The following PLEKHA7 variants were observed in gnomAD, a reference collection of about 807,000 sequenced individuals.
The protein encoded by PLEKHA7 is pleckstrin homology domain containing A7.
A neutral mutation model predicts 170.0 loss-of-function variants in PLEKHA7; 104 were observed. The ratio of observed to expected loss-of-function variants is 0.61; its 90% confidence interval spans 0.52 to 0.72. The LOEUF (loss-of-function observed/expected upper bound fraction) is 0.72. PLEKHA7 is among the 30% of genes least tolerant of loss of function. The pLI is 0.00. For missense variants in PLEKHA7, 1,615 were observed against 1,671.7 expected (o/e 0.97, Z 0.59); for synonymous variants, 648 against 660.8 (o/e 0.98, Z 0.30).
chr11:16,792,931 G>A (rs774039153), intron 19 of PLEKHA7, among the ~76,000 whole-genome samples: 12 of 152,072 alleles, frequency 7.9e-5, no homozygotes, highest in Admixed American at 2.6e-4. Context: ...GCAGCACCAC[G>A]CCCATCTTAT....
At chr11:16,910,840 C>G (rs1351284236) in intron 3 of PLEKHA7, among the ~76,000 whole-genome samples, 1 of 152,236 alleles carries the variant, frequency 6.6e-6, no homozygotes, top group Non-Finnish European at 1.5e-5. Context: ...GAACAAAGCT[C>G]CATACAAATA....
At chr11:16,975,444 A>C (rs1346712883) in intron 3 of PLEKHA7, among the ~76,000 whole-genome samples, 1 of 152,160 alleles carries the variant, frequency 6.6e-6, no homozygotes, top group Non-Finnish European at 1.5e-5. Flanking sequence ...GATGAGATAA[A>C]CATAAATTAA....
intron 24 of PLEKHA7, 129 bp from the exon 25 acceptor site, chr11:16,783,962 A>T: frequency 9.8e-7 from 1 of 1,016,998 alleles, no homozygotes; most frequent in South Asian, 3.7e-5. Flanking sequence ...TAACTTGCTA[A>T]GATCACAAAA....
intron 3 of PLEKHA7, among the ~76,000 whole-genome samples, chr11:16,902,394 G>A (rs183960362): frequency 7.2e-5 from 11 of 152,250 alleles, no homozygotes; most frequent in Admixed American, 2.0e-4. Context: ...GTAACTTTAC[G>A]TTTAACCTTT....
At chr11:16,847,005 A>G (rs1852460076) in intron 8 of PLEKHA7, among the ~76,000 whole-genome samples, 1 of 151,470 alleles carries the variant, frequency 6.6e-6, no homozygotes, top group Non-Finnish European at 1.5e-5. Context: ...GGCTTCCCAG[A>G]CAAGGTGACT....
intron 3 of PLEKHA7, among the ~76,000 whole-genome samples, chr11:16,992,666 G>C (rs1864115758): frequency 6.6e-6 from 1 of 150,966 alleles, no homozygotes; most frequent in Non-Finnish European, 1.5e-5. Context: ...AGAGGCAGGA[G>C]AATCACTTGA....
intron 3 of PLEKHA7, among the ~76,000 whole-genome samples, chr11:16,947,767 T>G (rs1448521106): frequency 6.6e-6 from 1 of 151,060 alleles, no homozygotes; most frequent in Non-Finnish European, 1.5e-5. Flanking sequence ...ACACAAAAAA[T>G]TAGCCGGGCT....
intron 3 of PLEKHA7, among the ~76,000 whole-genome samples, chr11:16,937,208 A>G (rs1860366116): frequency 1.3e-5 from 2 of 152,222 alleles, no homozygotes; most frequent in African/African-American, 4.8e-5. Flanking sequence ...CTGGGAAGAC[A>G]CTACAAGAAT....
intron 19 of PLEKHA7, among the ~76,000 whole-genome samples, chr11:16,793,106 A>G (rs2134250611): frequency 6.6e-6 from 1 of 152,326 alleles, no homozygotes; most frequent in South Asian, 2.1e-4. Context: ...CTCTGTGACC[A>G]TCTACAAAAG....
intron 3 of PLEKHA7, among the ~76,000 whole-genome samples, chr11:16,967,234 T>C (rs973371400): frequency 6.6e-6 from 1 of 152,212 alleles, no homozygotes; most frequent in Admixed American, 6.5e-5. Flanking sequence ...TCTGTGGCTT[T>C]GCTAGTTAAA....
chr11:17,005,621 C>A (rs34437677), intron 3 of PLEKHA7, among the ~76,000 whole-genome samples: 40,055 of 152,076 alleles, frequency 0.26, 6,278 homozygotes, highest in Middle Eastern at 0.39. Context: ...CATGAAAACA[C>A]CTCTTCCCAA....
chr11:16,991,759 G>A (rs1431907000), intron 3 of PLEKHA7, among the ~76,000 whole-genome samples: 1 of 152,140 alleles, frequency 6.6e-6, no homozygotes, highest in African/African-American at 2.4e-5. Flanking sequence ...CAGATGGTTC[G>A]AGCGGAGAGG....
intron 3 of PLEKHA7, among the ~76,000 whole-genome samples, chr11:16,921,267 T>C (rs1859066896): frequency 6.6e-6 from 1 of 152,106 alleles, no homozygotes; most frequent in Non-Finnish European, 1.5e-5. Flanking sequence ...GACCAAACAT[T>C]TCCCCTGCCT....
Position 16,783,721 on chromosome 11 carries a change from C to T in PLEKHA7, c.3629G>A (p.Arg1210His), listed in dbSNP as rs952585638. Reference sequence around the variant, plus strand: ...TGACCTTGACCGGGCGAGGATGTTGCGGATCTTCTCGGCTTTGCGGTACCG... The same window carrying T: ...TGACCTTGACCGGGCGAGGATGTTGTGGATCTTCTCGGCTTTGCGGTACCG... ...QARYRKAEKI[R>H]NILARSSMCN... Residue 1210 changes from arginine (R) to histidine (H), a missense_variant, in exon 25 of 27, where the codon CGC becomes CAC. Transcript: ENST00000531066. 4.7e-6 allele frequency: 7 copies of T among 1,476,618 alleles called. No homozygotes were observed. Among genetic ancestry groups the T allele is most frequent in the African/African-American group, 2.9e-5 (2 of 70,146 alleles). The allele number at this position is 1,476,618 out of a possible 1,614,324, so 91.5% of individuals were successfully genotyped here. A position where few individuals can be genotyped will look rare whatever the true frequency, so the allele number is the denominator to read the frequency against.
At chr11:16,853,406 A>G (rs1853150873) in intron 6 of PLEKHA7, among the ~76,000 whole-genome samples, 2 of 152,336 alleles carry the variant, frequency 1.3e-5, no homozygotes, top group Admixed American at 6.5e-5. Flanking sequence ...GATGATTTAT[A>G]AGGTCTTGGC....
chr11:16,915,466 C>T (rs1294202101), intron 3 of PLEKHA7, among the ~76,000 whole-genome samples: 1 of 151,526 alleles, frequency 6.6e-6, no homozygotes, highest in African/African-American at 2.4e-5. Context: ...CACCCACTAA[C>T]TCGTCATCTA....
At chr11:16,786,536 TC>T in intron 23 of PLEKHA7, 149 bp from the exon 24 acceptor site, 1 of 1,460,164 alleles carries the variant, frequency 6.8e-7, no homozygotes, top group Non-Finnish European at 9.0e-7. Flanking sequence ...GAAGCTGCTG[TC>T]CCCTTCATAT....
intron 3 of PLEKHA7, among the ~76,000 whole-genome samples, chr11:16,983,402 T>C (rs979828165): frequency 6.6e-6 from 1 of 152,132 alleles, no homozygotes; most frequent in African/African-American, 2.4e-5. Flanking sequence ...GCTTGAGACC[T>C]TTCCATAAAG....
At chr11:16,787,847 T>G (rs1849505017) in intron 23 of PLEKHA7, 1 of 152,228 alleles carries the variant, frequency 6.6e-6, no homozygotes, top group South Asian at 2.1e-4. Flanking sequence ...GTTACCAGGT[T>G]TGCAGCTTTT....
Sources: allele counts gnomAD v4.1 joint callset (sites outside exome capture counted in the v4.1 genomes callset), GRCh38; gene constraint gnomAD v4.1.1; transcripts MANE v1.5; gene names NCBI Gene and HGNC (gene_info 2026-07-23, HGNC 2026-07-21).